RALYL: variants seen among roughly 807,000 people sequenced by gnomAD.
RALYL encodes RALY RNA binding protein like.
In RALYL, 29 loss-of-function variants were observed where a neutral mutation model predicts 35.1. The ratio of observed to expected loss-of-function variants is 0.83; its 90% CI spans 0.61 to 1.13. RALYL has a LOEUF of 1.13. Ranked by LOEUF, RALYL falls within the 50% of genes most tolerant of loss-of-function variation. The pLI, the probability that RALYL is intolerant of heterozygous loss-of-function variation, is 0.00. For missense variants in RALYL, 359 were observed against 360.4 expected, an observed-to-expected ratio of 1.00 and a Z score of 0.03; for synonymous variants, 120 against 127.6, an observed-to-expected ratio of 0.94 and a Z score of 0.40.
intron 1 of RALYL, among the ~76,000 whole-genome samples, chr8:84,339,167 C>A (rs1848335420): frequency 6.6e-6 from 1 of 151,886 alleles, no homozygotes. Context: ...TAGTTTTTTG[C>A]ATAAATTGGA....
At chr8:84,793,007 A>G (rs1433015973) in intron 3 of RALYL, among the ~76,000 whole-genome samples, 3 of 152,210 alleles carry the variant, frequency 2.0e-5, no homozygotes, top group African/African-American at 4.8e-5. Flanking sequence ...GCAACTGGAC[A>G]TATGAAGTTG....
chr8:84,348,384 A>G (rs1334023294), intron 1 of RALYL, among the ~76,000 whole-genome samples: 1 of 152,018 alleles, frequency 6.6e-6, no homozygotes, highest in African/African-American at 2.4e-5. Flanking sequence ...TGTATTTTCT[A>G]CTTACATTGT....
intron 1 of RALYL, among the ~76,000 whole-genome samples, chr8:84,343,369 A>G (rs1158598095): frequency 6.6e-6 from 1 of 152,106 alleles, no homozygotes; most frequent in African/African-American, 2.4e-5. Context: ...AATAGAATAC[A>G]TACATTTATC....
At chr8:84,679,524 A>G (rs960160430) in intron 2 of RALYL, 2 of 356,778 alleles carry the variant, frequency 5.6e-6, no homozygotes, top group Non-Finnish European at 1.1e-5. Context: ...TTACAGAAAT[A>G]TATCTGCAAA....
intron 7 of RALYL, among the ~76,000 whole-genome samples, chr8:84,884,531 A>G (rs1183200642): frequency 6.6e-6 from 1 of 151,898 alleles, no homozygotes; most frequent in African/African-American, 2.4e-5. Context: ...ACACACACAT[A>G]TATGTATATA....
At chr8:84,349,093 A>T (rs1033475224) in intron 1 of RALYL, among the ~76,000 whole-genome samples, 1 of 150,214 alleles carries the variant, frequency 6.7e-6, no homozygotes, top group African/African-American at 2.5e-5. Flanking sequence ...GGGAACAGCC[A>T]TTCAGAGGCA....
At chr8:84,651,167 C>A (rs1828729789) in intron 2 of RALYL, among the ~76,000 whole-genome samples, 1 of 151,794 alleles carries the variant, frequency 6.6e-6, no homozygotes, top group African/African-American at 2.4e-5. Flanking sequence ...CACATGTATG[C>A]ATATGTAACT....
intron 1 of RALYL, among the ~76,000 whole-genome samples, chr8:84,235,774 T>G (rs1483015131): frequency 6.7e-6 from 1 of 148,346 alleles, no homozygotes; most frequent in South Asian, 2.1e-4. Context: ...TTTCTTTTTT[T>G]TTTTTTTTTT....
chr8:84,747,397 A>C (rs1484475348), intron 2 of RALYL, among the ~76,000 whole-genome samples: 1 of 151,950 alleles, frequency 6.6e-6, no homozygotes, highest in African/African-American at 2.4e-5. Flanking sequence ...AAATAAGAGC[A>C]ATACAATGTC....
intron 1 of RALYL, among the ~76,000 whole-genome samples, chr8:84,458,263 G>A (rs1202592926): frequency 1.3e-5 from 2 of 151,794 alleles, no homozygotes; most frequent in South Asian, 2.1e-4. Context: ...GATGATAAAT[G>A]TGTAGTCCTC....
intron 1 of RALYL, among the ~76,000 whole-genome samples, chr8:84,259,445 A>C (rs1831789377): frequency 6.6e-6 from 1 of 152,062 alleles, no homozygotes; most frequent in Non-Finnish European, 1.5e-5. Context: ...ATGTAGGGAC[A>C]GGTATTATCA....
At chr8:84,187,866 G>C (rs1431657760) in intron 1 of RALYL, among the ~76,000 whole-genome samples, 1 of 151,982 alleles carries the variant, frequency 6.6e-6, no homozygotes, top group African/African-American at 2.4e-5. Flanking sequence ...TAAAAGTGTG[G>C]TCATGTTTTG....
At chr8:84,713,100 T>C (rs1842444038) in intron 2 of RALYL, among the ~76,000 whole-genome samples, 1 of 152,132 alleles carries the variant, frequency 6.6e-6, no homozygotes, top group Non-Finnish European at 1.5e-5. Flanking sequence ...GTAGGTCTCA[T>C]ATTTAATTCT....
At chr8:84,827,343 C>G (rs1041819502) in intron 4 of RALYL, among the ~76,000 whole-genome samples, 3 of 151,834 alleles carry the variant, frequency 2.0e-5, no homozygotes, top group Non-Finnish European at 4.4e-5. Context: ...GAAAGATGAC[C>G]CAAACTAAAA....
At position 84,335,709 on chromosome 8, in the gene RALYL, C is replaced by CTTTTTTTTT. The variant is rs548185561; in HGVS notation, c.-24+151296_-24+151304dup. On this transcript the variant is annotated intron_variant, in intron 1 of 8. Transcript: ENST00000521268. Reference sequence around the variant, plus strand: ...ATTTCTAATATATGTGTTTTCTTACCTTTTTTTTTTTTTTTTTTTCCAAGA... The same window carrying CTTTTTTTTT: ...ATTTCTAATATATGTGTTTTCTTACCTTTTTTTTTTTTTTTTTTTTTTTTTTTTCCAAGA... 4.7e-5 allele frequency among the ~76,000 whole-genome samples: 4 copies of CTTTTTTTTT among 85,216 alleles called. 1 individual carries two copies. Among genetic ancestry groups the CTTTTTTTTT allele is most frequent in the Non-Finnish European group, 6.2e-5 (3 of 48,396 alleles). The allele number at this position is 85,216 out of a possible 152,430, so 55.9% of individuals were successfully genotyped here. A position where few individuals can be genotyped will look rare whatever the true frequency, so the allele number is the denominator to read the frequency against.
chr8:84,278,620 C>T (rs1469156562), intron 1 of RALYL, among the ~76,000 whole-genome samples: 3 of 152,162 alleles, frequency 2.0e-5, no homozygotes, highest in Non-Finnish European at 4.4e-5. Flanking sequence ...CTACCAGATA[C>T]CCTAAATCGT....
chr8:84,209,146 A>G (rs1818811862), intron 1 of RALYL, among the ~76,000 whole-genome samples: 1 of 137,642 alleles, frequency 7.3e-6, no homozygotes, highest in South Asian at 2.2e-4. Flanking sequence ...AAAAAAAAAG[A>G]AAAGAAAAGA....
intron 1 of RALYL, among the ~76,000 whole-genome samples, chr8:84,280,292 T>C (rs1453743690): frequency 6.6e-6 from 1 of 152,148 alleles, no homozygotes; most frequent in African/African-American, 2.4e-5. Context: ...CTTTAAAGTA[T>C]CTAGATGAGA....
At chr8:84,438,787 A>T (rs1318627783) in intron 1 of RALYL, among the ~76,000 whole-genome samples, 1 of 152,172 alleles carries the variant, frequency 6.6e-6, no homozygotes. Flanking sequence ...GTTCAGTCTC[A>T]TTCTTCTGCA....
Sources: gnomAD v4.1 joint callset for allele counts (sites outside exome capture counted in the v4.1 genomes callset) on GRCh38, gnomAD v4.1.1 for gene constraint, MANE v1.5 for transcripts, NCBI Gene and HGNC (gene_info 2026-07-23, HGNC 2026-07-21) for gene names.